Variants in CDH23 observed in about 807,000 individuals in gnomAD.
CDH23 encodes cadherin related 23, also known as cadherin-23.
In CDH23, 189 loss-of-function variants were observed where a neutral mutation model predicts 317.1. That is an observed-to-expected ratio of 0.60 (90% CI 0.53 to 0.67). The LOEUF (loss-of-function observed/expected upper bound fraction) is 0.67. Among genes scored for constraint, CDH23 ranks in the 30% least tolerant of loss-of-function variants. The pLI is 0.00. For synonymous variants in CDH23, 1,839 were observed against 1,876.8 expected, an observed-to-expected ratio of 0.98 and a Z score of 0.52; for missense variants, 4,401 against 4,592.4, an observed-to-expected ratio of 0.96 and a Z score of 1.20.
intron 11 of CDH23, among the ~76,000 whole-genome samples, chr10:71,636,065 G>T (rs576740260): frequency 1.3e-5 from 2 of 152,216 alleles, no homozygotes; most frequent in South Asian, 4.1e-4. Flanking sequence ...TTTGGGGAAG[G>T]GGACACCAGC....
intron 1 of CDH23, among the ~76,000 whole-genome samples, chr10:71,398,798 G>A (rs900816696): frequency 3.9e-5 from 6 of 152,126 alleles, no homozygotes; most frequent in African/African-American, 1.2e-4. Flanking sequence ...GGTAGAGGGT[G>A]GGTGTCCCCC....
chr10:71,707,156 G>T (rs749537674), intron 26 of CDH23, 107 bp downstream of exon 26: 54 of 1,546,830 alleles, frequency 3.5e-5, no homozygotes, highest in Middle Eastern at 1.7e-4. Context: ...GTGGAAAAGA[G>T]GTCAGGGCTC....
intron 11 of CDH23, among the ~76,000 whole-genome samples, chr10:71,629,831 G>A (rs1421430223): frequency 6.6e-6 from 1 of 152,208 alleles, no homozygotes; most frequent in Admixed American, 6.5e-5. Context: ...AGAGAAATGG[G>A]GAGTGATGCT....
rs1840781889 is a variant in CDH23 at position 71,774,864 on chromosome 10, C to T, written c.4846-2816C>T. Among the ~76,000 whole-genome samples the T allele has an allele frequency of 2.0e-5, 3 of 152,292 alleles. No homozygotes were observed. The South Asian group carries it at 6.2e-4, about 32-fold the overall frequency. On this transcript the variant is annotated intron_variant, in intron 38 of 69. Transcript: ENST00000224721. ...CAGGGTATCAGGACTCAATGGGAGC[C>T]AGGAGTCCTGGGGGCCTTGTGGGTG...
chr10:71,798,532 G>C lies in CDH23; in HGVS notation c.7008G>C (p.Leu2336=). The change falls in exon 50 of 70, where the codon CTG becomes CTC. Residue 2336 remains leucine, a synonymous_variant. Coordinates refer to ENST00000224721, the MANE Select transcript of CDH23 (RefSeq NM_022124.6). Reference sequence around the variant, plus strand: ...ATGGGCTGGTCACCTACACCCTGCTGGACCTGGTGCCCCCAGGGTATGTCC... The same window carrying C: ...ATGGGCTGGTCACCTACACCCTGCTCGACCTGGTGCCCCCAGGGTATGTCC... ...GLNGLVTYTL[L]DLVPPGYVQL... 1 of 1,613,628 alleles carries C rather than the reference G, an allele frequency of 6.2e-7. No individual in the cohort carries two copies. The highest frequency in any genetic ancestry group is 8.5e-7 in the Non-Finnish European group (1 of 1,179,712).
intron 4 of CDH23, 76 bp downstream of exon 4, chr10:71,510,300 A>G (rs1762299141): frequency 1.3e-6 from 2 of 1,536,796 alleles, no homozygotes; most frequent in Middle Eastern, 2.0e-4. Context: ...ACGGCCCGCC[A>G]TCTTTTGGCG....
At chr10:71,752,404 G>A (rs1036729508) in intron 38 of CDH23, among the ~76,000 whole-genome samples, 21 of 152,188 alleles carry the variant, frequency 1.4e-4, no homozygotes, top group African/African-American at 5.1e-4. Context: ...GGAGCTTTGT[G>A]TTTGGTGTTG....
At chr10:71,755,441 C>G (rs139011277) in intron 38 of CDH23, 2 of 1,612,720 alleles carry the variant, frequency 1.2e-6, no homozygotes, top group Admixed American at 3.3e-5. Context: ...TGCAGGCACC[C>G]GTAGCCAGGG....
rs1039695448 is a variant in CDH23 at position 71,793,743 on chromosome 10, C to G, written c.6712+103C>G. 13 of 865,896 alleles carry G rather than the reference C, an allele frequency of 1.5e-5. 1 individual carries two copies. Among genetic ancestry groups the G allele is most frequent in the Non-Finnish European group, 2.1e-5 (12 of 578,800 alleles). 53.6% of individuals were successfully genotyped at this position (865,896 alleles called of 1,614,324 possible). ...CTCCTTTCTCTTTCTTTGCTGTTCC[C>G]TTGCTACTCTCTTCTCTCCCCCTCC... On this transcript the variant is annotated intron_variant, in intron 48 of 69. Transcript: ENST00000224721.
At chr10:71,630,511 G>A (rs1861955917) in intron 11 of CDH23, among the ~76,000 whole-genome samples, 1 of 152,132 alleles carries the variant, frequency 6.6e-6, no homozygotes, top group Non-Finnish European at 1.5e-5. Context: ...GGGAGGGGAG[G>A]AAGGGAGTTA....
intron 14 of CDH23, among the ~76,000 whole-genome samples, chr10:71,659,008 C>T (rs1863533165): frequency 6.6e-6 from 1 of 152,182 alleles, no homozygotes; most frequent in South Asian, 2.1e-4. Context: ...CTCTAAGGCC[C>T]CCTGTGCCAA....
chr10:71,506,587 A>T (rs375679357), intron 3 of CDH23, among the ~76,000 whole-genome samples: 2 of 151,852 alleles, frequency 1.3e-5, no homozygotes, highest in Non-Finnish European at 2.9e-5. Context: ...GACTGGCCTC[A>T]CTCCTGTAGG....
chr10:71,763,314 A>G (rs1428486535), intron 38 of CDH23, among the ~76,000 whole-genome samples: 1 of 152,162 alleles, frequency 6.6e-6, no homozygotes, highest in Non-Finnish European at 1.5e-5. Context: ...GGCCAGTGGT[A>G]TTTTTATTTT....
chr10:71,507,332 T>A (rs1233723492), intron 3 of CDH23, among the ~76,000 whole-genome samples: 3 of 152,248 alleles, frequency 2.0e-5, no homozygotes. Flanking sequence ...TGTATACTCC[T>A]AGAAGTCAGG....
At chr10:71,732,673 T>C in intron 32 of CDH23, 1 of 1,359,198 alleles carries the variant, frequency 7.4e-7, no homozygotes, top group Non-Finnish European at 9.5e-7. Context: ...TCAATATCCC[T>C]GTAACACATC....
chr10:71,399,236 G>A (rs1040840375), intron 1 of CDH23, among the ~76,000 whole-genome samples: 2 of 152,176 alleles, frequency 1.3e-5, no homozygotes, highest in African/African-American at 4.8e-5. Context: ...ATGCAGCGTC[G>A]GCATCACCTG....
intron 47 of CDH23, among the ~76,000 whole-genome samples, chr10:71,792,339 A>T (rs982485446): frequency 1.3e-5 from 2 of 152,174 alleles, no homozygotes; most frequent in African/African-American, 4.8e-5. Flanking sequence ...AGAAAATATT[A>T]AAAAGTAGAA....
At chr10:71,568,332 G>A (rs946443697) in intron 7 of CDH23, among the ~76,000 whole-genome samples, 1 of 152,154 alleles carries the variant, frequency 6.6e-6, no homozygotes, top group Non-Finnish European at 1.5e-5. Flanking sequence ...CCACACATGC[G>A]CTGCCCCTCC....
intron 45 of CDH23, 130 bp from the exon 46 acceptor site, chr10:71,790,158 C>A: frequency 7.6e-7 from 1 of 1,319,034 alleles, no homozygotes; most frequent in Non-Finnish European, 1.0e-6. Context: ...CCAGGGCCTC[C>A]CCACCCTGTC....
Sources: gnomAD v4.1 joint callset for allele counts (sites outside exome capture counted in the v4.1 genomes callset) on GRCh38, gnomAD v4.1.1 for gene constraint, MANE v1.5 for transcripts, NCBI Gene and HGNC (gene_info 2026-07-23, HGNC 2026-07-21) for gene names.